The following EPS8L2 variants were observed in gnomAD, a reference collection of about 807,000 sequenced individuals.
EPS8L2 encodes EPS8 signaling adaptor L2, also known as epidermal growth factor receptor kinase substrate 8-like protein 2.
In EPS8L2, 81 loss-of-function variants were observed where a neutral mutation model predicts 99.4. The ratio of observed to expected loss-of-function variants is 0.82; its 90% CI spans 0.68 to 0.98. The LOEUF is 0.98. Among genes scored for constraint, EPS8L2 ranks in the 50% least tolerant of loss-of-function variants. The probability of loss-of-function intolerance (pLI) is 0.00; values close to 1 mark genes in which losing one functional copy is unlikely to be tolerated. For missense variants in EPS8L2, 1,155 were observed against 968.8 expected, an observed-to-expected ratio of 1.19 and a Z score of -2.55; for synonymous variants, 509 against 407.3, an observed-to-expected ratio of 1.25 and a Z score of -3.01.
intron 17 of EPS8L2, 27 bp from the exon 18 acceptor site, chr11:726,067 TGGGG>T: frequency 7.0e-7 from 1 of 1,419,738 alleles, no homozygotes; most frequent in Non-Finnish European, 9.7e-7. Context: ...GGGCGGGGCG[TGGGG>T]AGCCTAATCG....
In EPS8L2 at chr11:721,209, G is replaced by T; in HGVS notation, c.700+3G>T. The T allele has an allele frequency of 6.5e-7, 1 of 1,531,888 alleles. No homozygotes were observed. The highest frequency in any genetic ancestry group is 1.2e-5 in the South Asian group (1 of 83,644). 94.9% of individuals were successfully genotyped at this position (1,531,888 alleles called of 1,614,324 possible). A position where few individuals can be genotyped will look rare whatever the true frequency, so the allele number is the denominator to read the frequency against. On this transcript the variant is annotated splice_donor_region_variant and intron_variant, in intron 8 of 20. Transcript: ENST00000318562. ...GCAGGTGCCACTCAGCGAGCCAGGT[G>T]GGCCGAGGGGCTGGAGGGGGCTCCA...
intron 4 of EPS8L2, among the ~76,000 whole-genome samples, chr11:714,575 C>G (rs929983895): frequency 4.0e-5 from 6 of 148,304 alleles, no homozygotes; most frequent in Non-Finnish European, 9.0e-5. Flanking sequence ...TAGGCTTTTG[C>G]GTTTAGGGCC....
chr11:726,797 C>A, intron 20 of EPS8L2, 46 bp downstream of exon 20: 1 of 1,577,790 alleles, frequency 6.3e-7, no homozygotes, highest in South Asian at 1.2e-5. Flanking sequence ...TGCCCCTGCG[C>A]CCTCCTCTCC....
intron 4 of EPS8L2, among the ~76,000 whole-genome samples, chr11:718,679 T>G (rs1308841621): frequency 1.3e-5 from 2 of 150,556 alleles, no homozygotes; most frequent in African/African-American, 4.9e-5. Context: ...TTTCTTTTTT[T>G]TTTTTTTGAG....
At position 726,899 on chromosome 11, in the gene EPS8L2, A is replaced by G. The variant is rs1862346339; in HGVS notation, c.2068-2A>G. ...GAGGATGCCCCCATTTCTCCTCCCT[A>G]GAAGCAGCAAAGTGGGTCGGAGCTG... On this transcript the variant is annotated splice_acceptor_variant, in intron 20 of 20. Coordinates refer to ENST00000318562, the MANE Select transcript of EPS8L2 (RefSeq NM_022772.4). LOFTEE classifies it high-confidence loss of function. 2.5e-6 allele frequency: 4 copies of G among 1,612,390 alleles called. No individual in the cohort carries two copies. Among genetic ancestry groups the G allele is most frequent in the Non-Finnish European group, 3.4e-6 (4 of 1,179,534 alleles).
intron 3 of EPS8L2, 189 bp downstream of exon 3, chr11:709,797 AC>A (rs1414802682): frequency 3.2e-6 from 2 of 630,852 alleles, no homozygotes; most frequent in African/African-American, 3.7e-5. Flanking sequence ...CCTCCCCCAC[AC>A]CCGTAAGGGG....
rs535823956 is a variant in EPS8L2 at position 726,715 on chromosome 11, G to A, written c.2031G>A (p.Val677=). The part of the protein sequence containing the change: ...KKVCGEEGVR[V]YSQLTMQKAF... ...TGTGCGGCGAGGAGGGCGTCCGCGT[G>A]TACAGCCAGCTCACCATGCAGAAGG... The change falls in exon 20 of 21, where the codon GTG becomes GTA. Residue 677 remains valine (V), a synonymous_variant. Coordinates refer to ENST00000318562, the MANE Select transcript of EPS8L2 (RefSeq NM_022772.4). 72 of 1,594,132 alleles carry A rather than the reference G, an allele frequency of 4.5e-5. No homozygotes were observed. Among genetic ancestry groups the A allele is most frequent in the Non-Finnish European group, 6.1e-5 (71 of 1,172,064 alleles).
chr11:726,117 G>A lies in EPS8L2; in HGVS notation c.1700G>A (p.Gly567Asp). 6.2e-7 allele frequency: 1 copy of A among 1,605,440 alleles called. No individual in the cohort carries two copies. The highest frequency in any genetic ancestry group is 2.2e-5 in the East Asian group (1 of 44,538). Reference sequence around the variant, plus strand: ...CCGCAGGCCGGTCAGAAGTACTGGGGCCCCGCCAGCCCGACCCACAAGCTA... The same window carrying A: ...CCGCAGGCCGGTCAGAAGTACTGGGACCCCGCCAGCCCGACCCACAAGCTA... ...PFEQAGQKYW[G>D]PASPTHKLPP... Residue 567 changes from glycine (G) to aspartate (D), a missense_variant, in exon 18 of 21, where the codon GGC (glycine) becomes GAC (aspartate). By Grantham distance (94) the Gly-to-Asp change is moderately conservative. Coordinates refer to ENST00000318562, the MANE Select transcript of EPS8L2 (RefSeq NM_022772.4).
chr11:709,666 A>T, intron 3 of EPS8L2, 58 bp downstream of exon 3: 1 of 1,582,700 alleles, frequency 6.3e-7, no homozygotes, highest in South Asian at 1.1e-5. Context: ...CACTGCATCC[A>T]GGTGGGGGAC....
At chr11:720,777 G>T in intron 6 of EPS8L2, 31 bp downstream of exon 6, 1 of 1,492,694 alleles carries the variant, frequency 6.7e-7, no homozygotes. Flanking sequence ...GCAGGGTGGG[G>T]CCCCGCCGCG....
chr11:726,952 A>T lies in EPS8L2; in HGVS notation c.2119A>T (p.Met707Leu), dbSNP rs764376416. 2.5e-6 allele frequency: 4 copies of T among 1,613,442 alleles called. No individual in the cohort carries two copies. Among genetic ancestry groups the T allele is most frequent in the Non-Finnish European group, 3.4e-6 (4 of 1,179,898 alleles). ...AGAACTCATGAACAAGTTTCATTCCATGAATCAGAGGAGGGGGGAGGACAG... is the reference window on the plus strand; with the variant it reads ...AGAACTCATGAACAAGTTTCATTCCTTGAATCAGAGGAGGGGGGAGGACAG... ...LEELMNKFHS[M>L]NQRRGEDS Residue 707 changes from methionine (M) to leucine (L), a missense_variant, in exon 21 of 21, where the codon ATG (methionine) becomes TTG (leucine). By Grantham distance (15) the Met-to-Leu change is conservative. Transcript: ENST00000318562.
At chr11:714,057 A>T (rs1262146407) in intron 4 of EPS8L2, among the ~76,000 whole-genome samples, 1 of 152,044 alleles carries the variant, frequency 6.6e-6, no homozygotes, top group East Asian at 1.9e-4. Context: ...GATAAGTGGA[A>T]ATTAATTTTT....
At position 724,894 on chromosome 11, in the gene EPS8L2, C is replaced by T. The variant is rs1862275391; in HGVS notation, c.1560+65C>T. 4.7e-6 allele frequency: 6 copies of T among 1,277,430 alleles called. No homozygotes were observed. The highest frequency in any genetic ancestry group is 6.8e-6 in the Non-Finnish European group (6 of 883,422). 79.1% of individuals were successfully genotyped at this position (1,277,430 alleles called of 1,614,324 possible). ...GGCAGGGCTTCAAGGGAGGGGCTAC[C>T]AGGGGAGGTGGGGAGCGGTCTAGGG... On this transcript the variant is annotated intron_variant, in intron 16 of 20. Transcript: ENST00000318562. This position sits in a 1 kb window ranked among gnomAD's most constrained non-coding sequence, Gnocchi z 5.5.
chr11:726,748 G>T lies in EPS8L2; in HGVS notation c.2064G>T (p.Leu688=), dbSNP rs1862341280. The change falls in exon 20 of 21, where the codon CTG becomes CTT. Residue 688 remains leucine, a synonymous_variant. Transcript: ENST00000318562. ...AGCTCACCATGCAGAAGGCCTTCCT[G>T]GAGGTGAGCCCGCCTGCGCTCCGGC... ...YSQLTMQKAF[L]EKQQSGSELE... is the part of the protein sequence containing the mutation. The T allele has an allele frequency of 6.3e-7, 1 of 1,590,338 alleles. No individual in the cohort carries two copies. The highest frequency in any genetic ancestry group is 8.5e-7 in the Non-Finnish European group (1 of 1,170,374).
At position 725,664 on chromosome 11, in the gene EPS8L2, C is replaced by A. The variant is rs1418921579; in HGVS notation, c.1561-64C>A. On this transcript the variant is annotated intron_variant, in intron 16 of 20. Coordinates refer to ENST00000318562, the MANE Select transcript of EPS8L2 (RefSeq NM_022772.4). ...CGCTCCCGACCTCTGTAAAGCGGCG[C>A]CAGCGGGTGGTCCCAGCCCCGCAGA... 1.6e-5 allele frequency: 20 copies of A among 1,279,112 alleles called. No homozygotes were observed. The East Asian group carries it at 5.7e-4, about 36-fold the overall frequency. The allele number at this position is 1,279,112 out of a possible 1,614,324, so 79.2% of individuals were successfully genotyped here.
intron 4 of EPS8L2, among the ~76,000 whole-genome samples, chr11:715,596 A>ATTCACTTT (rs1446725133): frequency 1.6e-5 from 2 of 123,038 alleles, no homozygotes; most frequent in Non-Finnish European, 3.6e-5. Flanking sequence ...GTTTTATTTG[A>ATTCACTTT]TTCACTTTAT....
chr11:725,059 C>T (rs1038318907), intron 16 of EPS8L2, among the ~76,000 whole-genome samples: 3 of 152,212 alleles, frequency 2.0e-5, no homozygotes, highest in Non-Finnish European at 4.4e-5. Context: ...GCAGAGACCC[C>T]TGTGCCAGGC....
At chr11:710,903 G>A (rs1310946252) in intron 4 of EPS8L2, among the ~76,000 whole-genome samples, 1 of 152,210 alleles carries the variant, frequency 6.6e-6, no homozygotes, top group Admixed American at 6.5e-5. Flanking sequence ...CGGGGAAAGC[G>A]CCCCTCTGGT....
chr11:714,973 T>G (rs1201508582), intron 4 of EPS8L2, among the ~76,000 whole-genome samples: 2 of 152,162 alleles, frequency 1.3e-5, no homozygotes, highest in Non-Finnish European at 2.9e-5. Flanking sequence ...CCGGGCGCGG[T>G]GGCTCATGCC....
Sources: gnomAD v4.1 joint callset for allele counts (sites outside exome capture counted in the v4.1 genomes callset) on GRCh38, gnomAD v4.1.1 for gene constraint, Gnocchi (gnomAD v3.1) non-coding constraint, MANE v1.5 for transcripts, NCBI Gene and HGNC (gene_info 2026-07-23, HGNC 2026-07-21) for gene names.